ZCCHC24: variants seen among roughly 807,000 people sequenced by gnomAD.
The protein encoded by ZCCHC24 is zinc finger CCHC-type containing 24, also known as zinc finger CCHC domain-containing protein 24.
A neutral mutation model predicts 26.2 loss-of-function variants in ZCCHC24; 10 were observed. The observed-to-expected ratio is 0.38, with a 90% CI of 0.24 to 0.65. The LOEUF (loss-of-function observed/expected upper bound fraction) is 0.65. Ranked by LOEUF, ZCCHC24 falls within the 30% of genes least tolerant of loss-of-function variation. The probability of loss-of-function intolerance (pLI) is 0.54; values close to 1 mark genes in which losing one functional copy is unlikely to be tolerated. For missense variants in ZCCHC24, 243 were observed against 329.1 expected (o/e 0.74, Z 2.03); for synonymous variants, 144 against 147.1 (o/e 0.98, Z 0.15).
At chr10:79,442,330 C>G (rs1001520968) in intron 1 of ZCCHC24, among the ~76,000 whole-genome samples, 3 of 152,186 alleles carry the variant, frequency 2.0e-5, no homozygotes, top group African/African-American at 7.2e-5. Flanking sequence ...ACCAGGAACT[C>G]TGGTGTGAAC....
intron 2 of ZCCHC24, 62 bp from the exon 3 acceptor site, chr10:79,394,502 G>T: frequency 6.3e-7 from 1 of 1,576,328 alleles, no homozygotes; most frequent in Non-Finnish European, 8.6e-7. Flanking sequence ...TGCCCCACAG[G>T]GTTCCCCTGG....
chr10:79,422,882 T>C (rs1470109715), intron 2 of ZCCHC24, among the ~76,000 whole-genome samples: 1 of 152,222 alleles, frequency 6.6e-6, no homozygotes, highest in African/African-American at 2.4e-5. Flanking sequence ...TCTAGAGAGC[T>C]TCTGCTCCCA....
At chr10:79,389,079 C>A (rs1020849450) in intron 3 of ZCCHC24, among the ~76,000 whole-genome samples, 1 of 152,238 alleles carries the variant, frequency 6.6e-6, no homozygotes, top group Non-Finnish European at 1.5e-5. Context: ...CCTCCCAGCC[C>A]GTCTGAGTCC....
chr10:79,405,520 C>G (rs1438843924), intron 2 of ZCCHC24, among the ~76,000 whole-genome samples: 3 of 152,240 alleles, frequency 2.0e-5, no homozygotes, highest in Non-Finnish European at 4.4e-5. Context: ...CAGGACGCCT[C>G]CTTGGGCAGT....
At chr10:79,412,861 G>A (rs778442723) in intron 2 of ZCCHC24, among the ~76,000 whole-genome samples, 3 of 152,106 alleles carry the variant, frequency 2.0e-5, no homozygotes, top group Admixed American at 1.3e-4. Context: ...GCAGGCAGTC[G>A]AGAAGCTTTA....
Position 79,432,713 on chromosome 10 carries a change from G to C in ZCCHC24, c.292C>G (p.Leu98Val). The C allele has an allele frequency of 6.2e-7, 1 of 1,609,680 alleles. No homozygotes were observed. Among genetic ancestry groups the C allele is most frequent in the Non-Finnish European group, 8.5e-7 (1 of 1,178,492 alleles). The part of the protein sequence containing the change: ...VYKGASPYGS[L>V]NNIADGLSSL... ...CTGAGGCCATCGGCGATGTTGTTGA[G>C]GGAGCCATAGGGTGAGGCGCCCTTG... Residue 98 changes from leucine (L) to valine (V), a missense_variant, in exon 2 of 4, where the codon CTC becomes GTC. By Grantham distance (32) the Leu-to-Val change is conservative. Around this residue, in one of 2 missense-constraint regions of ZCCHC24, gnomAD observed 147 missense variants for 150.8 expected, o/e 0.97. Coordinates refer to ENST00000372336, the MANE Select transcript of ZCCHC24 (RefSeq NM_153367.4).
intron 2 of ZCCHC24, among the ~76,000 whole-genome samples, chr10:79,396,255 T>C (rs978711093): frequency 6.6e-6 from 1 of 152,256 alleles, no homozygotes; most frequent in Admixed American, 6.5e-5. Flanking sequence ...ATTTATTAGA[T>C]GATAGACACT....
chr10:79,432,712 A>C lies in ZCCHC24; in HGVS notation c.293T>G (p.Leu98Arg). ...VYKGASPYGS[L>R]NNIADGLSSL... The stretch of plus-strand genomic sequence containing the variant: ...GCTGAGGCCATCGGCGATGTTGTTG[A>C]GGGAGCCATAGGGTGAGGCGCCCTT... Residue 98 changes from leucine (L) to arginine (R), a missense_variant, in exon 2 of 4, where the codon CTC (leucine) becomes CGC (arginine). By Grantham distance (102) the Leu-to-Arg change is moderately radical (BLOSUM62 -2). Around this residue, in one of 2 missense-constraint regions of ZCCHC24, gnomAD observed 147 missense variants for 150.8 expected, o/e 0.97. Coordinates refer to ENST00000372336, the MANE Select transcript of ZCCHC24 (RefSeq NM_153367.4). 1.2e-6 allele frequency: 2 copies of C among 1,609,302 alleles called. No homozygotes were observed. Among genetic ancestry groups the C allele is most frequent in the Non-Finnish European group, 1.7e-6 (2 of 1,178,404 alleles).
At chr10:79,441,079 AACACAC>A (rs55762333) in intron 1 of ZCCHC24, among the ~76,000 whole-genome samples, 43 of 135,660 alleles carry the variant, frequency 3.2e-4, no homozygotes, top group African/African-American at 5.9e-4. Flanking sequence ...CTGCCCCCTA[AACACAC>A]ACACACACAC....
chr10:79,417,088 C>A (rs976606549), intron 2 of ZCCHC24, among the ~76,000 whole-genome samples: 5 of 152,226 alleles, frequency 3.3e-5, no homozygotes, highest in African/African-American at 1.2e-4. Flanking sequence ...CAGCCTTCCC[C>A]CTCCCCGGGA....
chr10:79,408,548 G>A (rs752264143), intron 2 of ZCCHC24, among the ~76,000 whole-genome samples: 3 of 152,160 alleles, frequency 2.0e-5, no homozygotes, highest in Non-Finnish European at 4.4e-5. Context: ...GAGGAGGGTG[G>A]TTAACAAGAC....
At chr10:79,404,045 G>T (rs997365188) in intron 2 of ZCCHC24, among the ~76,000 whole-genome samples, 2 of 152,056 alleles carry the variant, frequency 1.3e-5, no homozygotes, top group Non-Finnish European at 2.9e-5. Flanking sequence ...AGAGGAGAAG[G>T]GGGGACAGGG....
intron 1 of ZCCHC24, among the ~76,000 whole-genome samples, chr10:79,438,720 G>A (rs760453328): frequency 2.6e-5 from 4 of 152,198 alleles, no homozygotes; most frequent in Admixed American, 6.5e-5. Flanking sequence ...TTTTGGTGGG[G>A]GAGTGGGCAG....
chr10:79,420,275 C>T (rs1287938119), intron 2 of ZCCHC24, among the ~76,000 whole-genome samples: 1 of 152,162 alleles, frequency 6.6e-6, no homozygotes. Context: ...TCTGGGCCTT[C>T]CCCTGTCCCC....
chr10:79,396,215 C>G (rs1281923580), intron 2 of ZCCHC24, among the ~76,000 whole-genome samples: 1 of 152,254 alleles, frequency 6.6e-6, no homozygotes, highest in African/African-American at 2.4e-5. Context: ...TAATATTCCA[C>G]TGTATGGATA....
intron 1 of ZCCHC24, among the ~76,000 whole-genome samples, chr10:79,437,838 C>T (rs1016075293): frequency 2.6e-5 from 4 of 152,228 alleles, no homozygotes; most frequent in African/African-American, 7.2e-5. Flanking sequence ...CTCTTTTCTT[C>T]CTTCCCTGCA....
In ZCCHC24 at chr10:79,386,046, A is replaced by T. The variant is rs1449325022; in HGVS notation, c.*299T>A. On this transcript the variant is annotated 3_prime_UTR_variant, in exon 4 of 4. Coordinates refer to ENST00000372336, the MANE Select transcript of ZCCHC24 (RefSeq NM_153367.4). ...GGCTCTCAGAGGCGAGCCTGTGGGG[A>T]CACCCAGGGCTCCTGGACATGGGCT... 3 of 531,236 alleles carry T rather than the reference A, an allele frequency of 5.6e-6. No homozygotes were observed. Among genetic ancestry groups the T allele is most frequent in the Non-Finnish European group, 1.0e-5 (3 of 295,546 alleles). The allele number at this position is 531,236 out of a possible 1,614,324, so 32.9% of individuals were successfully genotyped here.
intron 2 of ZCCHC24, among the ~76,000 whole-genome samples, chr10:79,405,944 C>T (rs1277587454): frequency 1.3e-5 from 2 of 152,248 alleles, no homozygotes; most frequent in African/African-American, 2.4e-5. Context: ...CTTCCAGCCT[C>T]GCAAAACCCT....
chr10:79,415,361 C>A (rs1223195462), intron 2 of ZCCHC24, among the ~76,000 whole-genome samples: 1 of 152,124 alleles, frequency 6.6e-6, no homozygotes, highest in Non-Finnish European at 1.5e-5. Flanking sequence ...GGACGGTGGG[C>A]AGAGGGCCTC....
Sources: allele counts gnomAD v4.1 joint callset (sites outside exome capture counted in the v4.1 genomes callset), GRCh38; gene constraint gnomAD v4.1.1; regional missense constraint gnomAD v4.1.1; transcripts MANE v1.5; gene names NCBI Gene and HGNC (gene_info 2026-07-23, HGNC 2026-07-21).